Variants in SLC25A24 observed in about 807,000 individuals in gnomAD.
SLC25A24 encodes solute carrier family 25 member 24, also known as mitochondrial adenyl nucleotide antiporter SLC25A24.
A neutral mutation model predicts 60.7 loss-of-function variants in SLC25A24; 49 were observed. The ratio of observed to expected loss-of-function variants is 0.81; its 90% CI spans 0.64 to 1.02. SLC25A24 has a LOEUF of 1.02. SLC25A24 is among the 50% of genes least tolerant of loss of function. The pLI, the probability that SLC25A24 is intolerant of heterozygous loss-of-function variation, is 0.00. For synonymous variants in SLC25A24, 202 were observed against 200.6 expected (o/e 1.01, Z -0.06); for missense variants, 564 against 586.3 (o/e 0.96, Z 0.39).
intron 3 of SLC25A24, among the ~76,000 whole-genome samples, chr1:108,179,821 ATATAT>A (rs1040192501): frequency 6.6e-6 from 1 of 152,136 alleles, no homozygotes; most frequent in Admixed American, 6.5e-5. Flanking sequence ...ATTAATAATA[ATATAT>A]TATATTCTTG....
At position 108,193,734 on chromosome 1, in the gene SLC25A24, C is replaced by T. The variant is rs972556946; in HGVS notation, c.183+6222G>A. ...CCCCTCACAGTTTTTTATCTTTTATCTTCATCCAACCACTACAATGGCTCC... is the reference window on the plus strand; with the variant it reads ...CCCCTCACAGTTTTTTATCTTTTATTTTCATCCAACCACTACAATGGCTCC... On this transcript the variant is annotated intron_variant, in intron 1 of 9. Coordinates refer to ENST00000565488, the MANE Select transcript of SLC25A24 (RefSeq NM_013386.5). 1.4e-5 allele frequency among the ~76,000 whole-genome samples: 2 copies of T among 140,230 alleles called. 1 individual carries two copies. Among genetic ancestry groups the T allele is most frequent in the Non-Finnish European group, 3.1e-5 (2 of 63,966 alleles). The allele number at this position is 140,230 out of a possible 152,430, so 92.0% of individuals were successfully genotyped here.
chr1:108,193,030 C>G (rs1648395075), intron 1 of SLC25A24, among the ~76,000 whole-genome samples: 1 of 139,764 alleles, frequency 7.2e-6, no homozygotes, highest in African/African-American at 2.5e-5. Flanking sequence ...TATAGCTTCT[C>G]TTTTGGAGAG....
Position 108,187,922 on chromosome 1 carries a change from T to TTATATATATATATATATATATATA in SLC25A24, c.184-1969_184-1968insTATATATATATATATATATATATA, listed in dbSNP as rs1470627510. Among the ~76,000 whole-genome samples the TTATATATATATATATATATATATA allele has an allele frequency of 9.4e-3, 479 of 50,956 alleles. 14 individuals carry two copies. Among genetic ancestry groups the TTATATATATATATATATATATATA allele is most frequent in the African/African-American group, 0.026 (302 of 11,460 alleles). 33.4% of individuals were successfully genotyped at this position (50,956 alleles called of 152,430 possible). Reference sequence around the variant, plus strand: ...CATAATACACGAAATGGATAAGACATTATAGATATATATATATATATATTC... The same window carrying TTATATATATATATATATATATATA: ...CATAATACACGAAATGGATAAGACATTATATATATATATATATATATATATATAGATATATATATATATATATTC... On this transcript the variant is annotated intron_variant, in intron 1 of 9. Transcript: ENST00000565488.
In SLC25A24 at chr1:108,136,785, A is replaced by T. The variant is rs773526548; in HGVS notation, c.1302T>A (p.Ile434=). ...QLNMVGLFRR[I]ISKEGIPGLY... is the part of the protein sequence containing the mutation. ...GTCCTGGTATTCCTTCTTTGGAAAT[A>T]ATTCGTCGAAAGAGGCCAACCATAT... Residue 434 remains isoleucine, a synonymous_variant, in exon 10 of 10, where the codon ATT becomes ATA. Coordinates refer to ENST00000565488, the MANE Select transcript of SLC25A24 (RefSeq NM_013386.5). 1.2e-6 allele frequency: 2 copies of T among 1,614,186 alleles called. No homozygotes were observed. Among genetic ancestry groups the T allele is most frequent in the Non-Finnish European group, 1.7e-6 (2 of 1,180,024 alleles).
At position 108,185,858 on chromosome 1, in the gene SLC25A24, C is replaced by A. The variant is rs759804379; in HGVS notation, c.280G>T (p.Ala94Ser). The change falls in exon 2 of 10, where the codon GCA (alanine) becomes TCA (serine). Residue 94 changes from alanine to serine, a missense_variant. By Grantham distance (99) the Ala-to-Ser change is moderately conservative. Transcript: ENST00000565488. ...LKDHEKKMKL[A>S]FKSLDKNNDG... ...TTATTTTTGTCTAAACTCTTAAATG[C>A]CAATTTCATTTTCTTCTCATGGTCT... 1 of 1,589,648 alleles carries A rather than the reference C, an allele frequency of 6.3e-7. No individual in the cohort carries two copies. The highest frequency in any genetic ancestry group is 8.6e-7 in the Non-Finnish European group (1 of 1,163,704).
chr1:108,176,412 G>A (rs1446794530), intron 3 of SLC25A24, among the ~76,000 whole-genome samples: 1 of 152,080 alleles, frequency 6.6e-6, no homozygotes, highest in Non-Finnish European at 1.5e-5. Flanking sequence ...AGTCACAGGA[G>A]TTGAAGAAGG....
At chr1:108,174,916 C>T (rs1049496283) in intron 3 of SLC25A24, among the ~76,000 whole-genome samples, 2 of 152,214 alleles carry the variant, frequency 1.3e-5, no homozygotes, top group East Asian at 1.9e-4. Context: ...TTAATCAATG[C>T]CTGTACCCTC....
chr1:108,149,579 C>T (rs993625407), intron 6 of SLC25A24, among the ~76,000 whole-genome samples: 1 of 152,200 alleles, frequency 6.6e-6, no homozygotes, highest in African/African-American at 2.4e-5. Flanking sequence ...ACTATCTTTA[C>T]ACAACTTGCT....
intron 1 of SLC25A24, among the ~76,000 whole-genome samples, chr1:108,194,874 A>G (rs1648444919): frequency 6.6e-6 from 1 of 152,232 alleles, no homozygotes; most frequent in Non-Finnish European, 1.5e-5. Context: ...GCCTCCAGGC[A>G]TTAAATAACA....
At chr1:108,165,328 G>C (rs1571295122) in intron 3 of SLC25A24, among the ~76,000 whole-genome samples, 1 of 152,172 alleles carries the variant, frequency 6.6e-6, no homozygotes, top group East Asian at 1.9e-4. Flanking sequence ...GCAGAGCTGA[G>C]TTCAATTCCT....
At chr1:108,140,100 T>C (rs1212614955) in intron 8 of SLC25A24, among the ~76,000 whole-genome samples, 1 of 152,174 alleles carries the variant, frequency 6.6e-6, no homozygotes, top group Non-Finnish European at 1.5e-5. Context: ...ATATGTTATA[T>C]AACAAGTTTA....
intron 1 of SLC25A24, among the ~76,000 whole-genome samples, chr1:108,187,177 A>C (rs1487239655): frequency 1.3e-5 from 2 of 152,192 alleles, no homozygotes; most frequent in South Asian, 2.1e-4. Context: ...ACAGATCTGA[A>C]ACTTGTGAGC....
At chr1:108,186,330 G>A (rs780021137) in intron 1 of SLC25A24, among the ~76,000 whole-genome samples, 14 of 152,120 alleles carry the variant, frequency 9.2e-5, no homozygotes, top group Non-Finnish European at 1.8e-4. Flanking sequence ...GCTGATGGGG[G>A]AGGATCACTT....
intron 1 of SLC25A24, among the ~76,000 whole-genome samples, chr1:108,197,592 A>C (rs968543665): frequency 6.6e-6 from 1 of 152,162 alleles, no homozygotes; most frequent in Non-Finnish European, 1.5e-5. Context: ...GTGATGGTTA[A>C]TTTTATGTAT....
chr1:108,166,614 G>A (rs1226074699), intron 3 of SLC25A24, among the ~76,000 whole-genome samples: 1 of 152,074 alleles, frequency 6.6e-6, no homozygotes, highest in African/African-American at 2.4e-5. Context: ...CATTCTTCAT[G>A]TAGTTCTCGA....
intron 3 of SLC25A24, among the ~76,000 whole-genome samples, chr1:108,178,541 G>A (rs780548211): frequency 7.9e-5 from 12 of 152,150 alleles, no homozygotes; most frequent in Non-Finnish European, 7.3e-5. Context: ...CAGGCCAGGC[G>A]CGGTGGCTCA....
Position 108,176,681 on chromosome 1 carries a change from T to C in SLC25A24, c.398+5260A>G, listed in dbSNP as rs1013319437. 3.9e-5 allele frequency among the ~76,000 whole-genome samples: 6 copies of C among 152,270 alleles called. No homozygotes were observed. The East Asian group carries it at 1.2e-3, about 29-fold the overall frequency. On this transcript the variant is annotated intron_variant, in intron 3 of 9. Transcript: ENST00000565488. The stretch of plus-strand genomic sequence containing the variant: ...AGTCCCAATATGGTTGGAAACAGAC[T>C]GGTCAGCAGAGACCTAACAGGTCAG...
At chr1:108,165,958 T>C (rs185691766) in intron 3 of SLC25A24, among the ~76,000 whole-genome samples, 2 of 152,356 alleles carry the variant, frequency 1.3e-5, no homozygotes, top group Admixed American at 6.5e-5. Flanking sequence ...TGTTAAGCAC[T>C]TCCTTCAGGA....
intron 3 of SLC25A24, among the ~76,000 whole-genome samples, chr1:108,180,570 C>G (rs949643755): frequency 6.7e-6 from 1 of 149,648 alleles, no homozygotes; most frequent in Non-Finnish European, 1.5e-5. Flanking sequence ...AGAATGGAAC[C>G]CTGATCCAAC....
Sources: allele counts gnomAD v4.1 joint callset (sites outside exome capture counted in the v4.1 genomes callset), GRCh38; gene constraint gnomAD v4.1.1; transcripts MANE v1.5; gene names NCBI Gene and HGNC (gene_info 2026-07-23, HGNC 2026-07-21).